The following ZFAT variants were observed in gnomAD, a reference collection of about 807,000 sequenced individuals.
ZFAT encodes the protein zinc finger protein ZFAT.
ZFAT carries 64 observed loss-of-function variants against 117.7 expected under a neutral mutation model. The ratio of observed to expected loss-of-function variants is 0.54; its 90% CI spans 0.44 to 0.67. ZFAT has a LOEUF of 0.67. Ranked by LOEUF, ZFAT falls within the 30% of genes least tolerant of loss-of-function variation. ZFAT has a pLI of 0.00. For synonymous variants in ZFAT, 679 were observed against 615.0 expected, an observed-to-expected ratio of 1.10 and a Z score of -1.54; for missense variants, 1,433 against 1,584.5, an observed-to-expected ratio of 0.90 and a Z score of 1.62.
chr8:134,694,751 T>C (rs965697319), intron 1 of ZFAT, among the ~76,000 whole-genome samples: 23 of 152,230 alleles, frequency 1.5e-4, no homozygotes, highest in East Asian at 7.7e-4. Flanking sequence ...CCCCTCCCCA[T>C]TGGAATCCTC....
At chr8:134,540,019 ATGAC>A (rs1267328995) in intron 11 of ZFAT, among the ~76,000 whole-genome samples, 1 of 152,240 alleles carries the variant, frequency 6.6e-6, no homozygotes, top group Non-Finnish European at 1.5e-5. Flanking sequence ...ACACAAGAGT[ATGAC>A]TGTGCTTTGA....
At chr8:134,786,850 T>C in the ZFAT span, among the ~76,000 whole-genome samples, 3 of 151,524 alleles carry the variant, frequency 2.0e-5, no homozygotes, top group Non-Finnish European at 4.4e-5. Flanking sequence ...CTTTTTTTTT[T>C]TTTTTTTAAT....
the ZFAT span, among the ~76,000 whole-genome samples, chr8:134,722,270 G>A: frequency 2.0e-5 from 3 of 152,220 alleles, no homozygotes; most frequent in Admixed American, 6.5e-5. Flanking sequence ...CAGGCAGAAG[G>A]GACAGCCTAG....
At chr8:134,705,585 A>T (rs573594482) in intron 1 of ZFAT, among the ~76,000 whole-genome samples, 1 of 151,946 alleles carries the variant, frequency 6.6e-6, no homozygotes, top group African/African-American at 2.4e-5. Context: ...GCTAGAGTTC[A>T]GTGGTGCAAT....
At chr8:134,535,111 T>G (rs1376050409) in intron 11 of ZFAT, among the ~76,000 whole-genome samples, 6 of 152,198 alleles carry the variant, frequency 3.9e-5, no homozygotes, top group Admixed American at 6.5e-5. Flanking sequence ...CTAGATTTAT[T>G]TACAAGATCT....
intron 11 of ZFAT, among the ~76,000 whole-genome samples, chr8:134,551,365 A>G (rs1823154609): frequency 6.6e-6 from 1 of 152,218 alleles, no homozygotes; most frequent in African/African-American, 2.4e-5. Flanking sequence ...AAATAAGGTA[A>G]TACACAGAAA....
the ZFAT span, among the ~76,000 whole-genome samples, chr8:134,722,766 C>T: frequency 5.3e-5 from 8 of 152,134 alleles, no homozygotes; most frequent in African/African-American, 9.7e-5. Flanking sequence ...GGGCTTACAA[C>T]GTGTTATTGA....
chr8:134,817,081 G>C, the ZFAT span, among the ~76,000 whole-genome samples: 1 of 151,826 alleles, frequency 6.6e-6, no homozygotes, highest in Non-Finnish European at 1.5e-5. Flanking sequence ...GTGTCAACTT[G>C]GCTAGGCTAT....
At chr8:134,782,462 A>C in the ZFAT span, among the ~76,000 whole-genome samples, 2 of 152,190 alleles carry the variant, frequency 1.3e-5, no homozygotes, top group African/African-American at 2.4e-5. Flanking sequence ...CCTGTTTCTG[A>C]CTTTCCATAG....
At chr8:134,705,377 G>GTTTTTT (rs61505145) in intron 1 of ZFAT, among the ~76,000 whole-genome samples, 2 of 137,402 alleles carry the variant, frequency 1.5e-5, no homozygotes, top group African/African-American at 5.5e-5. Context: ...GTTTTTTTTT[G>GTTTTTT]TTTTTTTTTT....
At chr8:134,810,959 T>C in the ZFAT span, among the ~76,000 whole-genome samples, 7 of 151,812 alleles carry the variant, frequency 4.6e-5, no homozygotes, top group South Asian at 8.3e-4. Flanking sequence ...TAACACTAGC[T>C]AGCACCTGAG....
At chr8:134,804,889 T>C in the ZFAT span, 3 of 534,504 alleles carry the variant, frequency 5.6e-6, no homozygotes, top group Admixed American at 5.8e-5. Flanking sequence ...GCAGCAAACA[T>C]CTGACTGAAA....
intron 11 of ZFAT, among the ~76,000 whole-genome samples, chr8:134,539,042 G>A (rs1822052984): frequency 6.6e-6 from 1 of 152,164 alleles, no homozygotes; most frequent in Non-Finnish European, 1.5e-5. Flanking sequence ...TGCTGTTTTG[G>A]TTCTTTAAAC....
intron 15 of ZFAT, among the ~76,000 whole-genome samples, chr8:134,506,713 G>C (rs995392841): frequency 6.6e-6 from 1 of 152,146 alleles, no homozygotes; most frequent in African/African-American, 2.4e-5. Context: ...ATTGTAAATA[G>C]AGTATATATC....
At chr8:134,622,635 C>A (rs946655473) in intron 3 of ZFAT, among the ~76,000 whole-genome samples, 1 of 152,120 alleles carries the variant, frequency 6.6e-6, no homozygotes, top group African/African-American at 2.4e-5. Flanking sequence ...CACGTCGCCC[C>A]TCCCCCCTCT....
chr8:134,611,976 C>A (rs1384735386), intron 3 of ZFAT, among the ~76,000 whole-genome samples: 1 of 152,182 alleles, frequency 6.6e-6, no homozygotes. Flanking sequence ...GCTTCGATAT[C>A]CAAGTGAAGA....
chr8:134,662,285 G>A (rs975658053), intron 1 of ZFAT, among the ~76,000 whole-genome samples: 4 of 152,132 alleles, frequency 2.6e-5, no homozygotes, highest in South Asian at 2.1e-4. Flanking sequence ...ATCACATTAG[G>A]GGGTAGGTTT....
At chr8:134,622,350 G>A (rs1829178585) in intron 3 of ZFAT, among the ~76,000 whole-genome samples, 1 of 152,180 alleles carries the variant, frequency 6.6e-6, no homozygotes, top group African/African-American at 2.4e-5. Flanking sequence ...CTTTGGAAAA[G>A]ACAGCATTTG....
chr8:134,758,273 G>A, the ZFAT span, among the ~76,000 whole-genome samples: 110,897 of 151,966 alleles, frequency 0.73, 40,563 homozygotes, highest in African/African-American at 0.76. Context: ...ATCACCCAGG[G>A]TGAGTGCAGG....
Sources: allele counts gnomAD v4.1 joint callset (sites outside exome capture counted in the v4.1 genomes callset), GRCh38; gene constraint gnomAD v4.1.1; transcripts MANE v1.5; gene names NCBI Gene and HGNC (gene_info 2026-07-23, HGNC 2026-07-21).